The following NDUFAF6 variants were observed in gnomAD, a reference collection of about 807,000 sequenced individuals.
The protein encoded by NDUFAF6 is NADH:ubiquinone oxidoreductase complex assembly factor 6.
In NDUFAF6, 45 loss-of-function variants were observed where a neutral mutation model predicts 40.8. The ratio of observed to expected loss-of-function variants is 1.10; its 90% confidence interval spans 0.87 to 1.42. NDUFAF6 has a LOEUF of 1.42. Among genes scored for constraint, NDUFAF6 ranks in the 40% most tolerant of loss-of-function variants. NDUFAF6 has a pLI of 0.00. For synonymous variants in NDUFAF6, 185 were observed against 155.9 expected (o/e 1.19, Z -1.39); for missense variants, 435 against 418.5 (o/e 1.04, Z -0.34).
chr8:94,945,856 C>G (rs1011237237), intron 2 of NDUFAF6, among the ~76,000 whole-genome samples: 2 of 152,128 alleles, frequency 1.3e-5, no homozygotes, highest in Admixed American at 1.3e-4. Flanking sequence ...GCAGTTTCCC[C>G]GACAAGAGAA....
chr8:95,005,360 T>C (rs969649127), intron 2 of NDUFAF6, among the ~76,000 whole-genome samples: 18 of 151,818 alleles, frequency 1.2e-4, no homozygotes, highest in African/African-American at 3.4e-4. Flanking sequence ...ATTGGTTACC[T>C]GTGTCTCTTA....
intron 1 of NDUFAF6, among the ~76,000 whole-genome samples, chr8:94,980,410 A>G (rs1825319259): frequency 6.7e-6 from 1 of 149,788 alleles, no homozygotes; most frequent in Admixed American, 6.7e-5. Context: ...TATTGTTAGG[A>G]CACAAATAAC....
chr8:94,941,983 A>AAGC (rs1434268255), intron 1 of NDUFAF6, among the ~76,000 whole-genome samples: 1 of 152,012 alleles, frequency 6.6e-6, no homozygotes, highest in African/African-American at 2.4e-5. Context: ...CTTTCTCAGG[A>AAGC]AGCAGCAGCA....
chr8:95,026,263 T>C (rs1343292115), intron 1 of NDUFAF6, among the ~76,000 whole-genome samples: 2 of 152,114 alleles, frequency 1.3e-5, no homozygotes, highest in Non-Finnish European at 2.9e-5. Flanking sequence ...AGCCCAGGTG[T>C]CTGAGACCAG....
At chr8:95,018,315 G>T (rs938681352) in intron 2 of NDUFAF6, among the ~76,000 whole-genome samples, 4 of 152,002 alleles carry the variant, frequency 2.6e-5, no homozygotes, top group African/African-American at 2.4e-5. Context: ...GTGATTACAG[G>T]TGTGAGCTAC....
intron 1 of NDUFAF6, among the ~76,000 whole-genome samples, chr8:94,916,611 C>T (rs1000833392): frequency 2.0e-5 from 3 of 149,856 alleles, no homozygotes; most frequent in African/African-American, 7.4e-5. Flanking sequence ...GTCAGGAGTT[C>T]GAGACCAGCC....
chr8:94,903,774 T>A (rs1485659180), intron 1 of NDUFAF6, among the ~76,000 whole-genome samples: 3 of 152,242 alleles, frequency 2.0e-5, no homozygotes, highest in Non-Finnish European at 4.4e-5. Context: ...GTTCTCTAGT[T>A]GGTAACTTGT....
At chr8:95,088,761 T>C in intron 2 of NDUFAF6, among the ~76,000 whole-genome samples, 1 of 150,292 alleles carries the variant, frequency 6.7e-6, no homozygotes, top group Non-Finnish European at 1.5e-5. Context: ...TATTTTATTT[T>C]ATTTTATTAT....
chr8:95,039,976 A>T (rs569397876), intron 3 of NDUFAF6, among the ~76,000 whole-genome samples: 11 of 152,232 alleles, frequency 7.2e-5, no homozygotes, highest in Non-Finnish European at 1.2e-4. Context: ...GAACAATTTC[A>T]TCTAATTTTC....
At chr8:94,997,323 CACACACACACACACACACACAGAGAG>C (rs1826481522) in intron 2 of NDUFAF6, among the ~76,000 whole-genome samples, 1 of 137,862 alleles carries the variant, frequency 7.3e-6, no homozygotes, top group South Asian at 2.5e-4. Flanking sequence ...CACACACACA[CACACACACACACACACACACAGAGAG>C]AGAGAGAGAG....
intron 1 of NDUFAF6, among the ~76,000 whole-genome samples, chr8:94,967,847 A>G (rs1426852787): frequency 1.3e-5 from 2 of 152,044 alleles, no homozygotes; most frequent in African/African-American, 2.4e-5. Context: ...AGGCTGAGGC[A>G]GGAGAATCGT....
chr8:94,978,281 G>C (rs890789659), intron 1 of NDUFAF6, among the ~76,000 whole-genome samples: 1 of 152,310 alleles, frequency 6.6e-6, no homozygotes, highest in African/African-American at 2.4e-5. Context: ...AAGGCTCATA[G>C]AGCTTCTAGG....
At chr8:95,036,638 G>C (rs751947202) in intron 3 of NDUFAF6, 68 of 619,700 alleles carry the variant, frequency 1.1e-4, no homozygotes, top group Non-Finnish European at 1.5e-4. Flanking sequence ...TGGAGGTGGA[G>C]GTTTATGTTA....
At position 95,018,647 on chromosome 8, in the gene NDUFAF6, A is replaced by AT. The variant is rs1827567037; in HGVS notation, c.-83-13347dup. Among the ~76,000 whole-genome samples, 5 of 152,366 alleles carry AT rather than the reference A, an allele frequency of 3.3e-5. No individual in the cohort carries two copies. In the South Asian group the frequency reaches 1.0e-3, roughly 32 times the overall value. On this transcript the variant is annotated intron_variant, in intron 2 of 9. Coordinates refer to the NDUFAF6 transcript ENST00000396111. Reference sequence around the variant, plus strand: ...CAGACATTGGGATAAAAACACAGGCATAAAGATGCCCATTAAACACAAATT... The same window carrying AT: ...CAGACATTGGGATAAAAACACAGGCATTAAAGATGCCCATTAAACACAAATT...
chr8:94,990,374 G>A (rs575887494), intron 2 of NDUFAF6, among the ~76,000 whole-genome samples: 21 of 152,198 alleles, frequency 1.4e-4, no homozygotes, highest in Admixed American at 2.6e-4. Flanking sequence ...GAAAAGACTT[G>A]TGAGTTTGGG....
At chr8:94,933,248 A>C (rs1321266515) in intron 1 of NDUFAF6, among the ~76,000 whole-genome samples, 1 of 152,160 alleles carries the variant, frequency 6.6e-6, no homozygotes, top group Non-Finnish European at 1.5e-5. Flanking sequence ...CCTTCCTTTG[A>C]CCCTTTATAT....
chr8:94,912,949 A>T (rs893165809), intron 1 of NDUFAF6, among the ~76,000 whole-genome samples: 7 of 152,228 alleles, frequency 4.6e-5, no homozygotes, highest in African/African-American at 1.7e-4. Flanking sequence ...ACTGCATTCC[A>T]GCCTGGCGAC....
downstream of NDUFAF6, among the ~76,000 whole-genome samples, chr8:95,106,384 AG>A (rs1469332020): frequency 2.0e-5 from 3 of 152,240 alleles, no homozygotes; most frequent in African/African-American, 7.2e-5. Flanking sequence ...AAATGGGGAA[AG>A]GATTCCTATT....
intron 1 of NDUFAF6, among the ~76,000 whole-genome samples, chr8:94,920,639 T>C (rs1415071862): frequency 1.3e-5 from 2 of 152,216 alleles, no homozygotes; most frequent in Non-Finnish European, 2.9e-5. Context: ...ATGGCTGCTG[T>C]AGCCCAGTGT....
Sources: gnomAD v4.1 joint callset for allele counts (sites outside exome capture counted in the v4.1 genomes callset) on GRCh38, gnomAD v4.1.1 for gene constraint, MANE v1.5 for transcripts, NCBI Gene and HGNC (gene_info 2026-07-23, HGNC 2026-07-21) for gene names.